Variants in CACNA2D3 observed in about 807,000 individuals in gnomAD.
CACNA2D3 encodes the protein calcium voltage-gated channel auxiliary subunit alpha2delta 3, also known as voltage-dependent calcium channel subunit alpha-2/delta-3.
Under a neutral mutation model 160.6 loss-of-function variants are expected in CACNA2D3, and 60 were observed. That is an observed-to-expected ratio of 0.37 (90% CI 0.30 to 0.46). CACNA2D3 has a LOEUF of 0.46. Ranked by LOEUF, CACNA2D3 falls within the 20% of genes least tolerant of loss-of-function variation. CACNA2D3 has a pLI of 1.00. For synonymous variants in CACNA2D3, 558 were observed against 492.9 expected, an observed-to-expected ratio of 1.13 and a Z score of -1.75; for missense variants, 1,205 against 1,365.0, an observed-to-expected ratio of 0.88 and a Z score of 1.85.
chr3:54,996,810 G>A (rs972009004), intron 31 of CACNA2D3, among the ~76,000 whole-genome samples: 16 of 152,100 alleles, frequency 1.1e-4, no homozygotes, highest in African/African-American at 3.1e-4. Context: ...AAGAAAATGT[G>A]GCACATATAC....
intron 13 of CACNA2D3, among the ~76,000 whole-genome samples, chr3:54,799,507 T>A (rs1265417652): frequency 1.3e-5 from 2 of 152,232 alleles, no homozygotes; most frequent in East Asian, 3.8e-4. Flanking sequence ...TATACAGATT[T>A]CTTTGTGGTT....
chr3:54,888,472 A>G (rs975409218), intron 24 of CACNA2D3, among the ~76,000 whole-genome samples: 1 of 151,978 alleles, frequency 6.6e-6, no homozygotes, highest in Non-Finnish European at 1.5e-5. Context: ...CTGTGGTTTT[A>G]TTTCTGAAGT....
chr3:54,902,850 T>G (rs1700369495), intron 27 of CACNA2D3, among the ~76,000 whole-genome samples: 1 of 152,204 alleles, frequency 6.6e-6, no homozygotes, highest in African/African-American at 2.4e-5. Context: ...AGAAAATTCT[T>G]GGATAAGAGA....
rs1702902447 is a variant in CACNA2D3, at chr3:54,593,698, T to C, written c.963+11821T>C. 2.6e-5 allele frequency among the ~76,000 whole-genome samples: 4 copies of C among 152,198 alleles called. No homozygotes were observed. The South Asian group carries it at 8.3e-4, about 31-fold the overall frequency. On this transcript the variant is annotated intron_variant, in intron 9 of 37. Transcript: ENST00000474759. ...GATATAACTTCTGCTGATTTCCAGG[T>C]ATGTTTCTCCCTTTGCACATGAGCT...
chr3:54,556,563 G>C (rs1559511904), intron 5 of CACNA2D3, among the ~76,000 whole-genome samples: 1 of 152,086 alleles, frequency 6.6e-6, no homozygotes, highest in East Asian at 1.9e-4. Context: ...GCAGTATTTT[G>C]CCACAGCTGC....
chr3:54,359,551 CAT>C (rs1698707786), intron 3 of CACNA2D3, among the ~76,000 whole-genome samples: 2 of 152,158 alleles, frequency 1.3e-5, no homozygotes, highest in Admixed American at 1.3e-4. Flanking sequence ...ACCAATGTCT[CAT>C]ATGGGAGTTC....
intron 11 of CACNA2D3, among the ~76,000 whole-genome samples, chr3:54,685,347 C>T (rs1379053257): frequency 2.0e-5 from 3 of 152,200 alleles, no homozygotes; most frequent in Non-Finnish European, 2.9e-5. Context: ...AAGTCTGCTA[C>T]TGTAGCATTA....
At chr3:54,754,383 G>A (rs1445339586) in intron 12 of CACNA2D3, among the ~76,000 whole-genome samples, 1 of 152,174 alleles carries the variant, frequency 6.6e-6, no homozygotes, top group Non-Finnish European at 1.5e-5. Flanking sequence ...CAGAGCAGAG[G>A]TAGTGACAAT....
chr3:54,511,857 A>G (rs778632086), intron 5 of CACNA2D3, among the ~76,000 whole-genome samples: 5 of 152,218 alleles, frequency 3.3e-5, no homozygotes, highest in Non-Finnish European at 7.3e-5. Flanking sequence ...GGTTACTTCT[A>G]TGATAACTTC....
At chr3:54,736,107 ATG>A (rs1553814480) in intron 11 of CACNA2D3, among the ~76,000 whole-genome samples, 26 of 21,290 alleles carry the variant, frequency 1.2e-3, no homozygotes, top group South Asian at 7.7e-3. Flanking sequence ...ATACATATAT[ATG>A]TATATATATA....
intron 11 of CACNA2D3, among the ~76,000 whole-genome samples, chr3:54,687,411 A>C (rs1465192210): frequency 6.6e-6 from 1 of 151,324 alleles, no homozygotes; most frequent in Non-Finnish European, 1.5e-5. Flanking sequence ...TGGCCTCCCA[A>C]TGTGCCAGGA....
intron 10 of CACNA2D3, among the ~76,000 whole-genome samples, chr3:54,636,220 C>G (rs567730171): frequency 6.6e-6 from 1 of 151,972 alleles, no homozygotes; most frequent in Non-Finnish European, 1.5e-5. Flanking sequence ...GGCGATTAGG[C>G]CTGGTGGAAC....
intron 11 of CACNA2D3, among the ~76,000 whole-genome samples, chr3:54,708,339 A>G (rs559228585): frequency 9.2e-4 from 140 of 152,346 alleles, no homozygotes; most frequent in African/African-American, 3.0e-3. Context: ...CTAATGAAAC[A>G]TGGAAGTTTC....
chr3:54,165,631 C>G (rs144949871), intron 2 of CACNA2D3, among the ~76,000 whole-genome samples: 1 of 148,194 alleles, frequency 6.7e-6, no homozygotes, highest in Admixed American at 6.7e-5. Flanking sequence ...AAAAATTAGC[C>G]AGGTGTGGTG....
chr3:55,017,007 C>T (rs573284050), intron 34 of CACNA2D3, among the ~76,000 whole-genome samples: 42 of 152,334 alleles, frequency 2.8e-4, no homozygotes, highest in African/African-American at 9.1e-4. Flanking sequence ...GACAAAATAT[C>T]TCCCCGTAGT....
chr3:54,348,881 T>G (rs79263459), intron 3 of CACNA2D3, among the ~76,000 whole-genome samples: 14,515 of 152,188 alleles, frequency 0.095, 900 homozygotes, highest in African/African-American at 0.17. Flanking sequence ...GTATGCACCA[T>G]CATGCCTGGC....
intron 27 of CACNA2D3, among the ~76,000 whole-genome samples, chr3:54,912,901 G>T (rs541674268): frequency 1.3e-5 from 2 of 152,014 alleles, no homozygotes; most frequent in Non-Finnish European, 2.9e-5. Context: ...TCAATGGGAG[G>T]TATTGTAGAA....
rs180721215 is a variant in CACNA2D3, at chr3:55,038,088, A to G, written c.2987+19771A>G. ...TTTCACTAACATCCATGATAAAGCA[A>G]TTGCTTCTAAAAGTTGTGCTGTTTT... On this transcript the variant is annotated intron_variant, in intron 35 of 37. Coordinates refer to ENST00000474759, the MANE Select transcript of CACNA2D3 (RefSeq NM_018398.3). Among the ~76,000 whole-genome samples the G allele has an allele frequency of 4.6e-5, 7 of 152,272 alleles. No homozygotes were observed. In the East Asian group the frequency reaches 7.7e-4, roughly 17 times the overall value.
intron 14 of CACNA2D3, among the ~76,000 whole-genome samples, chr3:54,821,648 C>CTTT (rs754126074): frequency 2.2e-5 from 1 of 45,602 alleles, no homozygotes; most frequent in Non-Finnish European, 5.2e-5. Context: ...TTCGTTCTTT[C>CTTT]TTTCTTTCTT....
Sources: allele counts gnomAD v4.1 joint callset (sites outside exome capture counted in the v4.1 genomes callset), GRCh38; gene constraint gnomAD v4.1.1; transcripts MANE v1.5; gene names NCBI Gene and HGNC (gene_info 2026-07-23, HGNC 2026-07-21).